The following GFRA1 variants were observed in gnomAD, a reference collection of about 807,000 sequenced individuals.
The protein encoded by GFRA1 is GDNF family receptor alpha 1, also known as GDNF family receptor alpha-1.
Under a neutral mutation model 51.6 loss-of-function variants are expected in GFRA1, and 16 were observed. The ratio of observed to expected loss-of-function variants is 0.31; its 90% CI spans 0.21 to 0.47. The LOEUF (loss-of-function observed/expected upper bound fraction) is 0.47. GFRA1 is among the 20% of genes least tolerant of loss of function. The pLI is 1.00. For synonymous variants in GFRA1, 270 were observed against 241.3 expected (o/e 1.12, Z -1.10); for missense variants, 530 against 594.3 (o/e 0.89, Z 1.13).
Position 116,064,410 on chromosome 10 carries a change from T to C in GFRA1, c.1386A>G (p.Thr462=), listed in dbSNP as rs778092842. The C allele has an allele frequency of 6.2e-7, 1 of 1,612,618 alleles. No individual in the cohort carries two copies. The highest frequency in any genetic ancestry group is 8.5e-7 in the Non-Finnish European group (1 of 1,179,752). ...TTTTTTAATGCAGCTATGATGTTTC[T>C]GTTAAAGATAATAGGGTGGACAGAG... ...VTALSTLLSL[T]ETS The change falls in exon 11 of 11, where the codon ACA becomes ACG. Residue 462 remains threonine (T), a synonymous_variant. Coordinates refer to ENST00000355422, the MANE Select transcript of GFRA1 (RefSeq NM_005264.8).
At chr10:116,084,620 C>T (rs1367232313) in intron 9 of GFRA1, among the ~76,000 whole-genome samples, 1 of 152,168 alleles carries the variant, frequency 6.6e-6, no homozygotes, top group East Asian at 1.9e-4. Flanking sequence ...ATCCTTGTTA[C>T]TCTATTTGAC....
intron 6 of GFRA1, among the ~76,000 whole-genome samples, chr10:116,102,808 T>C (rs1313733924): frequency 6.6e-6 from 1 of 152,122 alleles, no homozygotes; most frequent in African/African-American, 2.4e-5. Flanking sequence ...CAAGATGAGA[T>C]TTGGGTGGGG....
intron 5 of GFRA1, among the ~76,000 whole-genome samples, chr10:116,168,723 C>T (rs1045154607): frequency 3.9e-5 from 6 of 152,168 alleles, no homozygotes; most frequent in Middle Eastern, 6.3e-3. Context: ...CCAGCAGAGG[C>T]CATGGGCTCT....
chr10:116,113,724 C>G (rs1266196849), intron 6 of GFRA1, among the ~76,000 whole-genome samples: 3 of 152,136 alleles, frequency 2.0e-5, no homozygotes, highest in African/African-American at 4.8e-5. Flanking sequence ...GGGGCTGCAC[C>G]TGCTGCATAA....
At chr10:116,128,746 A>AAAAAAC (rs1957980741) in intron 5 of GFRA1, among the ~76,000 whole-genome samples, 1 of 145,892 alleles carries the variant, frequency 6.9e-6, no homozygotes, top group African/African-American at 2.5e-5. Context: ...AAAAAAAAAA[A>AAAAAAC]AAAAATTGGC....
At chr10:116,197,047 C>T (rs958499677) in intron 5 of GFRA1, among the ~76,000 whole-genome samples, 1 of 151,658 alleles carries the variant, frequency 6.6e-6, no homozygotes, top group African/African-American at 2.4e-5. Context: ...GAAGAACAAC[C>T]AGTCCTTGGA....
chr10:116,092,955 G>A (rs897030234), intron 8 of GFRA1, among the ~76,000 whole-genome samples: 1 of 152,134 alleles, frequency 6.6e-6, no homozygotes, highest in African/African-American at 2.4e-5. Context: ...CGTGCTTTTG[G>A]AGTCTGATGA....
At chr10:116,166,639 T>C (rs1960443969) in intron 5 of GFRA1, among the ~76,000 whole-genome samples, 1 of 152,096 alleles carries the variant, frequency 6.6e-6, no homozygotes, top group South Asian at 2.1e-4. Flanking sequence ...AAGTGTCTTC[T>C]ACCACACCCT....
chr10:116,129,975 T>G (rs1958038795), intron 5 of GFRA1, among the ~76,000 whole-genome samples: 1 of 151,630 alleles, frequency 6.6e-6, no homozygotes, highest in African/African-American at 2.4e-5. Context: ...TGTTATGGAA[T>G]GACGAAATCA....
At chr10:116,113,671 C>A (rs995894796) in intron 6 of GFRA1, among the ~76,000 whole-genome samples, 1 of 152,190 alleles carries the variant, frequency 6.6e-6, no homozygotes, top group Non-Finnish European at 1.5e-5. Flanking sequence ...CGCAGCCCCA[C>A]AGACCCTCTG....
At position 116,057,512 on chromosome 10, in the gene GFRA1, G is replaced by C. The variant is rs1278061353; in HGVS notation, c.*6886C>G. ...TGCAACACCATCCAAAAGAGTACAA[G>C]AAAAAAACCCCACAGCCTAAATCTC... On this transcript the variant is annotated 3_prime_UTR_variant, in exon 11 of 11. Coordinates refer to ENST00000355422, the MANE Select transcript of GFRA1 (RefSeq NM_005264.8). 2 of 152,076 alleles carry C rather than the reference G, an allele frequency of 1.3e-5. No homozygotes were observed. Among genetic ancestry groups the C allele is most frequent in the Admixed American group, 1.3e-4 (2 of 15,260 alleles). 9.4% of individuals were successfully genotyped at this position (152,076 alleles called of 1,614,324 possible).
chr10:116,093,242 CAG>C (rs1162699514), intron 8 of GFRA1, among the ~76,000 whole-genome samples: 1 of 152,180 alleles, frequency 6.6e-6, no homozygotes, highest in Non-Finnish European at 1.5e-5. Flanking sequence ...TAATTTTTCT[CAG>C]AGAGTCCTTG....
intron 4 of GFRA1, among the ~76,000 whole-genome samples, chr10:116,221,584 C>T (rs1275487422): frequency 6.6e-6 from 1 of 152,100 alleles, no homozygotes; most frequent in Non-Finnish European, 1.5e-5. Context: ...GCCACCACGG[C>T]CAGCTAATTT....
At chr10:116,138,584 C>A (rs1244723688) in intron 5 of GFRA1, among the ~76,000 whole-genome samples, 1 of 152,080 alleles carries the variant, frequency 6.6e-6, no homozygotes, top group Admixed American at 6.5e-5. Flanking sequence ...TACCAGGGGG[C>A]CCTAGAACAC....
At chr10:116,194,175 AAGT>A (rs1166324414) in intron 5 of GFRA1, among the ~76,000 whole-genome samples, 1 of 151,968 alleles carries the variant, frequency 6.6e-6, no homozygotes, top group Non-Finnish European at 1.5e-5. Flanking sequence ...AATATGCAGA[AAGT>A]AGTTTCTAAA....
intron 6 of GFRA1, among the ~76,000 whole-genome samples, chr10:116,107,166 A>T (rs1248591933): frequency 6.6e-6 from 1 of 152,162 alleles, no homozygotes; most frequent in Non-Finnish European, 1.5e-5. Flanking sequence ...GCTGAATGAT[A>T]ATAAGTCCCT....
chr10:116,214,519 C>T (rs796875358), intron 4 of GFRA1, among the ~76,000 whole-genome samples: 21 of 152,302 alleles, frequency 1.4e-4, no homozygotes, highest in African/African-American at 4.8e-4. Flanking sequence ...CTCAAGATCA[C>T]ACATGGAGTT....
chr10:116,112,057 T>C (rs1957234464), intron 6 of GFRA1, among the ~76,000 whole-genome samples: 1 of 152,294 alleles, frequency 6.6e-6, no homozygotes, highest in Non-Finnish European at 1.5e-5. Context: ...GCTGGTCCAA[T>C]AGGAAAAAAG....
intron 5 of GFRA1, among the ~76,000 whole-genome samples, chr10:116,206,614 C>G (rs919255945): frequency 2.9e-5 from 4 of 139,768 alleles, no homozygotes; most frequent in Admixed American, 1.5e-4. Flanking sequence ...CTTCTGAAAC[C>G]ACATTCTCTT....
Sources: gnomAD v4.1 joint callset for allele counts (sites outside exome capture counted in the v4.1 genomes callset) on GRCh38, gnomAD v4.1.1 for gene constraint, MANE v1.5 for transcripts, NCBI Gene and HGNC (gene_info 2026-07-23, HGNC 2026-07-21) for gene names.